Variants in BTBD2 observed in about 807,000 individuals in gnomAD.
BTBD2 encodes BTB domain containing 2.
A neutral mutation model predicts 44.0 loss-of-function variants in BTBD2; 15 were observed. The observed-to-expected ratio is 0.34, with a 90% CI of 0.23 to 0.53. BTBD2 has a LOEUF of 0.53. Among genes scored for constraint, BTBD2 ranks in the 20% least tolerant of loss-of-function variants. The pLI is 0.95. For missense variants in BTBD2, 657 were observed against 746.4 expected (o/e 0.88, Z 1.39); for synonymous variants, 443 against 335.9 (o/e 1.32, Z -3.49).
Position 1,985,635 on chromosome 19 carries a change from C to CA in BTBD2, c.*852dup, listed in dbSNP as rs2016067269. Reference sequence around the variant, plus strand: ...CAGCACCTGGGGGTGGCTCCCACGGCACCAGGTGGGCTAGGGCAACAGTAT... The same window carrying CA: ...CAGCACCTGGGGGTGGCTCCCACGGCAACCAGGTGGGCTAGGGCAACAGTAT... On this transcript the variant is annotated 3_prime_UTR_variant, in exon 9 of 9. Coordinates refer to ENST00000255608, the MANE Select transcript of BTBD2 (RefSeq NM_017797.4). 2 of 152,274 alleles carry CA rather than the reference C, an allele frequency of 1.3e-5. No homozygotes were observed. Among genetic ancestry groups the CA allele is most frequent in the South Asian group, 4.1e-4 (2 of 4,834 alleles). 9.4% of individuals were successfully genotyped at this position (152,274 alleles called of 1,614,324 possible).
At chr19:2,011,100 C>A (rs1243280325) in intron 1 of BTBD2, among the ~76,000 whole-genome samples, 2 of 152,110 alleles carry the variant, frequency 1.3e-5, no homozygotes, top group African/African-American at 4.8e-5. Context: ...CTGCGGACCT[C>A]TCAGCCCCAG....
intron 2 of BTBD2, 105 bp downstream of exon 2, chr19:1,997,239 T>G: frequency 6.6e-7 from 1 of 1,518,114 alleles, no homozygotes; most frequent in South Asian, 1.2e-5. Flanking sequence ...TCTAGAAATC[T>G]CCACCAAGCC....
intron 1 of BTBD2, among the ~76,000 whole-genome samples, chr19:2,007,242 C>T (rs897658360): frequency 6.6e-6 from 1 of 152,188 alleles, no homozygotes; most frequent in Admixed American, 6.5e-5. Context: ...ACTCCTGCCT[C>T]GGCCTCCGAA....
chr19:2,010,793 C>T (rs1269708076), intron 1 of BTBD2, among the ~76,000 whole-genome samples: 1 of 152,160 alleles, frequency 6.6e-6, no homozygotes, highest in Admixed American at 6.6e-5. Context: ...TGCGTGCCAC[C>T]GCGCCCAGCT....
At chr19:1,999,239 C>T (rs560507975) in intron 1 of BTBD2, among the ~76,000 whole-genome samples, 1 of 152,302 alleles carries the variant, frequency 6.6e-6, no homozygotes, top group African/African-American at 2.4e-5. Flanking sequence ...CACATGGGCC[C>T]CGACCACAGC....
chr19:1,990,141 T>C lies in BTBD2; in HGVS notation c.851A>G (p.Asn284Ser), dbSNP rs1410655323. ...TLGIREVRLF[N>S]AVVRWSEAEC... ...GGCCTCGGACCAGCGGACAACGGCATTGAACAGCCGCACCTCACGGATGCC... is the reference window on the plus strand; with the variant it reads ...GGCCTCGGACCAGCGGACAACGGCACTGAACAGCCGCACCTCACGGATGCC... The change falls in exon 5 of 9, where the codon AAT becomes AGT. Residue 284 changes from asparagine (N) to serine (S), a missense_variant. Around this residue, in one of 3 missense-constraint regions of BTBD2, gnomAD observed 449 missense variants for 510.9 expected, o/e 0.88. Coordinates refer to ENST00000255608, the MANE Select transcript of BTBD2 (RefSeq NM_017797.4). 1 of 1,611,930 alleles carries C rather than the reference T, an allele frequency of 6.2e-7. No homozygotes were observed. The highest frequency in any genetic ancestry group is 2.2e-5 in the East Asian group (1 of 44,850).
intron 1 of BTBD2, among the ~76,000 whole-genome samples, chr19:1,999,133 G>A (rs1030373854): frequency 3.3e-5 from 5 of 151,972 alleles, no homozygotes; most frequent in Non-Finnish European, 7.4e-5. Context: ...CCCACCACAC[G>A]CGCCCCCCTA....
chr19:1,992,861 C>A (rs1033695272), intron 3 of BTBD2, among the ~76,000 whole-genome samples, 159 bp downstream of exon 3: 16 of 152,324 alleles, frequency 1.1e-4, no homozygotes, highest in African/African-American at 3.4e-4. Context: ...CGTGAGCAAC[C>A]ACGCCCGGCC....
intron 5 of BTBD2, chr19:1,989,754 T>C (rs959131909): frequency 1.8e-6 from 1 of 550,390 alleles, no homozygotes; most frequent in African/African-American, 1.9e-5. Context: ...CCTGGGAAGA[T>C]GCCACCAAAA....
chr19:2,001,112 T>C (rs540309565), intron 1 of BTBD2, among the ~76,000 whole-genome samples: 5 of 152,022 alleles, frequency 3.3e-5, no homozygotes, highest in East Asian at 1.9e-4. Context: ...GGTGAAACCC[T>C]GTCTCTATGA....
intron 4 of BTBD2, 95 bp from the exon 5 acceptor site, chr19:1,990,296 C>T (rs924708715): frequency 2.7e-4 from 375 of 1,414,366 alleles, no homozygotes; most frequent in African/African-American, 2.8e-4. Flanking sequence ...CAGTTAAAGC[C>T]GGGCTGGCAA....
intron 5 of BTBD2, chr19:1,989,489 C>G (rs963895945): frequency 1.1e-4 from 19 of 178,868 alleles, no homozygotes; most frequent in African/African-American, 4.5e-4. Flanking sequence ...CCAGCCCCTT[C>G]TGGAAAGTTC....
At chr19:1,997,004 C>T (rs1287823442) in intron 2 of BTBD2, among the ~76,000 whole-genome samples, 2 of 152,076 alleles carry the variant, frequency 1.3e-5, no homozygotes, top group Middle Eastern at 3.4e-3. Flanking sequence ...ACAGTGAAAC[C>T]CCATCTCTAC....
chr19:1,986,476 G>T lies in BTBD2; in HGVS notation c.*12C>A. Reference sequence around the variant, plus strand: ...TCCCCACGGAGGGAGGGCGGTGTCGGTGTCGGGCAGCCTAGGTGTAGAAGA... The same window carrying T: ...TCCCCACGGAGGGAGGGCGGTGTCGTTGTCGGGCAGCCTAGGTGTAGAAGA... On this transcript the variant is annotated 3_prime_UTR_variant, in exon 9 of 9. Coordinates refer to ENST00000255608, the MANE Select transcript of BTBD2 (RefSeq NM_017797.4). 1 of 1,611,702 alleles carries T rather than the reference G, an allele frequency of 6.2e-7. No homozygotes were observed. The highest frequency in any genetic ancestry group is 8.5e-7 in the Non-Finnish European group (1 of 1,178,158).
intron 1 of BTBD2, among the ~76,000 whole-genome samples, chr19:2,011,801 T>G (rs999452550): frequency 2.6e-5 from 4 of 152,010 alleles, no homozygotes; most frequent in Non-Finnish European, 5.9e-5. Flanking sequence ...GACACAGGCC[T>G]TCATCGTGGC....
At chr19:1,997,079 T>C (rs560821394) in intron 2 of BTBD2, among the ~76,000 whole-genome samples, 2 of 150,266 alleles carry the variant, frequency 1.3e-5, no homozygotes, top group African/African-American at 2.5e-5. Flanking sequence ...ACTTAGGAGG[T>C]TGAGGCAGGA....
intron 1 of BTBD2, among the ~76,000 whole-genome samples, chr19:2,005,845 T>C (rs546999189): frequency 5.3e-5 from 8 of 152,042 alleles, no homozygotes; most frequent in Non-Finnish European, 1.2e-4. Flanking sequence ...TCCCAGTGCT[T>C]TGGGAGGCCA....
At chr19:2,010,576 C>G (rs1277064790) in intron 1 of BTBD2, among the ~76,000 whole-genome samples, 1 of 152,176 alleles carries the variant, frequency 6.6e-6, no homozygotes, top group Non-Finnish European at 1.5e-5. Flanking sequence ...GGCCCGGCCC[C>G]TCTCTGCTCA....
intron 5 of BTBD2, 140 bp from the exon 6 acceptor site, chr19:1,987,832 A>C: frequency 1.2e-6 from 1 of 825,114 alleles, no homozygotes; most frequent in Non-Finnish European, 1.8e-6. Context: ...TCCCCGGGGG[A>C]CTAGCCACCA....
Sources: gnomAD v4.1 joint callset for allele counts (sites outside exome capture counted in the v4.1 genomes callset) on GRCh38, gnomAD v4.1.1 for gene constraint, gnomAD v4.1.1 regional missense constraint, MANE v1.5 for transcripts, NCBI Gene and HGNC (gene_info 2026-07-23, HGNC 2026-07-21) for gene names.